The following MAP3K15 variants were observed in gnomAD, a reference collection of about 807,000 sequenced individuals.
The protein encoded by MAP3K15 is mitogen-activated protein kinase kinase kinase 15, also known as MAPK/ERK kinase kinase 15.
In MAP3K15, 124 loss-of-function variants were observed where a neutral mutation model predicts 99.5. The observed-to-expected ratio is 1.25, with a 90% CI of 1.08 to 1.45. MAP3K15 has a LOEUF of 1.45. Among genes scored for constraint, MAP3K15 ranks in the 40% most tolerant of loss-of-function variants. MAP3K15 has a pLI of 0.00. For missense variants in MAP3K15, 1,242 were observed against 1,079.7 expected (o/e 1.15, Z -2.11); for synonymous variants, 494 against 439.6 (o/e 1.12, Z -1.55).
chrX:19,395,090 C>T lies in MAP3K15; in HGVS notation c.2185G>A (p.Val729Met). The T allele has an allele frequency of 1.7e-6, 2 of 1,208,021 alleles. No homozygotes were observed. The highest frequency in any genetic ancestry group is 1.1e-6 in the Non-Finnish European group (1 of 893,308). Residue 729 changes from valine (V) to methionine (M), a missense_variant, in exon 16 of 29, where the codon GTG becomes ATG. By Grantham distance (21) the Val-to-Met change is conservative. Coordinates refer to ENST00000338883, the MANE Select transcript of MAP3K15 (RefSeq NM_001001671.4). ...NGYIKIFMEQ[V>M]PGGSLSALLR... ...GACAGCGACTACTCACCTCCAGGCACCTGCTCCATAAATATCTTAATGTAG... is the reference window on the plus strand; with the variant it reads ...GACAGCGACTACTCACCTCCAGGCATCTGCTCCATAAATATCTTAATGTAG...
intron 7 of MAP3K15, among the ~76,000 whole-genome samples, chrX:19,428,607 C>T (rs1363620305): frequency 8.9e-6 from 1 of 112,083 alleles, no homozygotes; most frequent in Non-Finnish European, 1.9e-5. Context: ...AAATTCAAGT[C>T]TGGAGGAACT....
At chrX:19,388,261 C>A (rs1223549280) in intron 18 of MAP3K15, among the ~76,000 whole-genome samples, 1 of 112,229 alleles carries the variant, frequency 8.9e-6, no homozygotes, top group Non-Finnish European at 1.9e-5. Flanking sequence ...GCGATGAGTC[C>A]TTTTTAATTC....
intron 15 of MAP3K15, 79 bp from the exon 16 acceptor site, chrX:19,395,287 C>T: frequency 2.0e-6 from 2 of 985,054 alleles, no homozygotes; most frequent in Non-Finnish European, 2.8e-6. Flanking sequence ...CCAGGACCTG[C>T]CCCACTGCTG....
chrX:19,467,639 C>T (rs1399108413), intron 3 of MAP3K15, among the ~76,000 whole-genome samples: 1 of 106,384 alleles, frequency 9.4e-6, no homozygotes, highest in Admixed American at 1.0e-4. Flanking sequence ...TGGTGGCAGG[C>T]GCCTGTAATC....
At chrX:19,481,115 C>CAAAAAAAAAAA (rs60578003) in intron 3 of MAP3K15, among the ~76,000 whole-genome samples, 1,085 of 55,210 alleles carry the variant, frequency 0.02, 35 homozygotes, top group African/African-American at 0.024. Context: ...GAACTTGTCT[C>CAAAAAAAAAAA]AAAAAAAAAA....
intron 18 of MAP3K15, among the ~76,000 whole-genome samples, chrX:19,382,047 C>G (rs1198336068): frequency 1.8e-5 from 2 of 110,913 alleles, no homozygotes; most frequent in Non-Finnish European, 3.8e-5. Flanking sequence ...AAGTTCGAGA[C>G]CAGCCTGGCC....
intron 4 of MAP3K15, among the ~76,000 whole-genome samples, chrX:19,463,780 G>C (rs552772792): frequency 4.5e-5 from 5 of 111,271 alleles, no homozygotes; most frequent in African/African-American, 1.6e-4. Context: ...TTTAAAGCAC[G>C]AGAGCGTAAG....
At chrX:19,494,629 T>C (rs1005701213) in intron 1 of MAP3K15, among the ~76,000 whole-genome samples, 1 of 111,572 alleles carries the variant, frequency 9.0e-6, no homozygotes, top group Non-Finnish European at 1.9e-5. Flanking sequence ...AACAAAGTGA[T>C]ATGATGGCAA....
chrX:19,492,486 T>C (rs2064374562), intron 1 of MAP3K15, among the ~76,000 whole-genome samples: 1 of 111,284 alleles, frequency 9.0e-6, no homozygotes, highest in Non-Finnish European at 1.9e-5. Context: ...CATCTACTAA[T>C]GAAAGGATGC....
chrX:19,363,645 A>T (rs5955551), intron 25 of MAP3K15, among the ~76,000 whole-genome samples: 22,592 of 106,140 alleles, frequency 0.21, 4,896 homozygotes, highest in African/African-American at 0.65. Flanking sequence ...CCTGCTTCTT[A>T]TTTTGTTTTT....
At chrX:19,404,370 A>G (rs1473564779) in intron 13 of MAP3K15, among the ~76,000 whole-genome samples, 1 of 112,047 alleles carries the variant, frequency 8.9e-6, no homozygotes, top group Admixed American at 9.5e-5. Flanking sequence ...GTAAATAGAA[A>G]TCCATCTTGT....
chrX:19,375,840 G>C (rs2063413285), intron 19 of MAP3K15, among the ~76,000 whole-genome samples: 1 of 112,283 alleles, frequency 8.9e-6, no homozygotes, highest in Admixed American at 9.4e-5. Flanking sequence ...CGCTCCTCCT[G>C]GCCAGGCTGC....
chrX:19,490,955 G>A (rs1214950534), intron 1 of MAP3K15, among the ~76,000 whole-genome samples: 3 of 111,295 alleles, frequency 2.7e-5, no homozygotes, highest in African/African-American at 9.8e-5. Flanking sequence ...ACCATGTGCA[G>A]TGGAGATATA....
At chrX:19,396,758 G>A (rs930436189) in intron 15 of MAP3K15, among the ~76,000 whole-genome samples, 8 of 111,407 alleles carry the variant, frequency 7.2e-5, no homozygotes, top group African/African-American at 9.8e-5. Context: ...TTCAGCACTC[G>A]ACACTGAAGG....
intron 9 of MAP3K15, 123 bp downstream of exon 9, chrX:19,425,408 G>T (rs983777763): frequency 6.5e-6 from 4 of 615,421 alleles, no homozygotes; most frequent in Non-Finnish European, 9.5e-6. Flanking sequence ...CAGAGCAGTT[G>T]TGTCTGTGCT....
chrX:19,398,214 G>T lies in MAP3K15; in HGVS notation c.2066+12C>A. 1 of 1,210,349 alleles carries T rather than the reference G, an allele frequency of 8.3e-7. No homozygotes were observed. Among genetic ancestry groups the T allele is most frequent in the Non-Finnish European group, 1.1e-6 (1 of 894,798 alleles). On this transcript the variant is annotated intron_variant, in intron 15 of 28. Coordinates refer to ENST00000338883, the MANE Select transcript of MAP3K15 (RefSeq NM_001001671.4). The stretch of plus-strand genomic sequence containing the variant: ...ACGGCACCCGAAATGCGGAAGGCCC[G>T]CCTGGACTTGCCTGCTATCTCTCTC...
At chrX:19,457,729 A>C (rs2064104138) in intron 5 of MAP3K15, among the ~76,000 whole-genome samples, 1 of 112,071 alleles carries the variant, frequency 8.9e-6, no homozygotes, top group South Asian at 3.7e-4. Flanking sequence ...AGTCTTTCCT[A>C]TTTTGCCAGA....
At chrX:19,424,790 G>T (rs1450843814) in intron 9 of MAP3K15, among the ~76,000 whole-genome samples, 1 of 109,202 alleles carries the variant, frequency 9.2e-6, no homozygotes, top group Non-Finnish European at 1.9e-5. Flanking sequence ...GGGACCACAG[G>T]CGTGCACCAC....
intron 6 of MAP3K15, among the ~76,000 whole-genome samples, chrX:19,446,264 T>C (rs1196511586): frequency 8.9e-6 from 1 of 112,308 alleles, no homozygotes; most frequent in Non-Finnish European, 1.9e-5. Flanking sequence ...AGGACTGAGA[T>C]AGATCGCTGA....
Sources: gnomAD v4.1 joint callset for allele counts (sites outside exome capture counted in the v4.1 genomes callset) on GRCh38, gnomAD v4.1.1 for gene constraint, MANE v1.5 for transcripts, NCBI Gene and HGNC (gene_info 2026-07-23, HGNC 2026-07-21) for gene names.